Variants in RASAL2 observed in about 807,000 individuals in gnomAD.
RASAL2 encodes the protein RAS protein activator like 2.
Under a neutral mutation model 128.9 loss-of-function variants are expected in RASAL2, and 58 were observed. The ratio of observed to expected loss-of-function variants is 0.45; its 90% CI spans 0.36 to 0.56. RASAL2 has a LOEUF of 0.56. Ranked by LOEUF, RASAL2 falls within the 20% of genes least tolerant of loss-of-function variation. The pLI, the probability that RASAL2 is intolerant of heterozygous loss-of-function variation, is 0.00. For missense variants in RASAL2, 1,360 were observed against 1,601.6 expected (o/e 0.85, Z 2.57); for synonymous variants, 561 against 580.8 (o/e 0.97, Z 0.49).
chr1:178,310,632 C>T (rs1571832500), intron 3 of RASAL2, among the ~76,000 whole-genome samples: 1 of 152,158 alleles, frequency 6.6e-6, no homozygotes, highest in East Asian at 1.9e-4. Context: ...AGGTGCGAGA[C>T]CACAATTCTG....
At chr1:178,372,000 T>C (rs1344572821) in intron 3 of RASAL2, among the ~76,000 whole-genome samples, 1 of 152,152 alleles carries the variant, frequency 6.6e-6, no homozygotes, top group African/African-American at 2.4e-5. Context: ...AAATCTCCCT[T>C]CTCTTCTCTT....
In RASAL2 at chr1:178,344,327, T is replaced by C. The variant is rs115532326; in HGVS notation, c.457+44209T>C. Among the ~76,000 whole-genome samples the C allele has an allele frequency of 2.6e-3, 390 of 152,344 alleles. 3 individuals carry two copies. The highest frequency in any genetic ancestry group is 9.0e-3 in the African/African-American group (376 of 41,588). On this transcript the variant is annotated intron_variant, in intron 3 of 17. Coordinates refer to ENST00000367649, the MANE Select transcript of RASAL2 (RefSeq NM_170692.4). ...TCTTTCTACCTCTTGGGCATAATTC[T>C]ATGTTATGTGTCCCAGTTAAATCCC...
intron 3 of RASAL2, among the ~76,000 whole-genome samples, chr1:178,338,909 C>T (rs992422252): frequency 1.3e-5 from 2 of 152,120 alleles, no homozygotes; most frequent in Admixed American, 6.5e-5. Flanking sequence ...TAAATATATA[C>T]ATGGTAAGGG....
chr1:178,455,736 G>C (rs916959380), intron 12 of RASAL2, among the ~76,000 whole-genome samples: 10 of 152,190 alleles, frequency 6.6e-5, no homozygotes, highest in Non-Finnish European at 2.9e-5. Flanking sequence ...CCCTGTTTGA[G>C]TAGGGTAGAA....
At chr1:178,329,060 GC>G (rs1258096667) in intron 3 of RASAL2, among the ~76,000 whole-genome samples, 1 of 152,038 alleles carries the variant, frequency 6.6e-6, no homozygotes, top group African/African-American at 2.4e-5. Context: ...CACTGTTCTG[GC>G]CTGTTGAACA....
intron 1 of RASAL2, among the ~76,000 whole-genome samples, chr1:178,270,681 G>A (rs1255113088): frequency 2.0e-5 from 3 of 149,610 alleles, no homozygotes; most frequent in African/African-American, 7.4e-5. Flanking sequence ...TTTTGGTTCT[G>A]GTAATTCTTG....
At chr1:178,341,624 G>A in intron 3 of RASAL2, 1 of 1,613,858 alleles carries the variant, frequency 6.2e-7, no homozygotes, top group Non-Finnish European at 8.5e-7. Flanking sequence ...AGTTTGTAGA[G>A]TCTGAGACCG....
At chr1:178,161,000 C>T (rs988150620) in intron 1 of RASAL2, among the ~76,000 whole-genome samples, 1 of 152,104 alleles carries the variant, frequency 6.6e-6, no homozygotes, top group African/African-American at 2.4e-5. Flanking sequence ...CCTCTTCTTC[C>T]TCTTTGTTCC....
At chr1:178,286,816 T>C (rs759248721) in intron 2 of RASAL2, among the ~76,000 whole-genome samples, 47 of 152,222 alleles carry the variant, frequency 3.1e-4, no homozygotes, top group African/African-American at 1.1e-3. Context: ...GATTCTGATA[T>C]CCATAGAGAG....
chr1:178,096,523 GT>G (rs1449358597), intron 1 of RASAL2, among the ~76,000 whole-genome samples: 5 of 151,100 alleles, frequency 3.3e-5, no homozygotes, highest in East Asian at 1.9e-4. Context: ...TTTACATTAT[GT>G]TTTTTTTCTT....
chr1:178,143,615 G>A (rs994704394), intron 1 of RASAL2, among the ~76,000 whole-genome samples: 7 of 152,012 alleles, frequency 4.6e-5, no homozygotes, highest in South Asian at 4.2e-4. Context: ...CCAAATATAT[G>A]GTTCTACATA....
At chr1:178,240,735 T>C (rs1664461965) in intron 1 of RASAL2, among the ~76,000 whole-genome samples, 1 of 151,758 alleles carries the variant, frequency 6.6e-6, no homozygotes, top group South Asian at 2.1e-4. Context: ...ATAAAGTTAT[T>C]AAGCTAATTA....
chr1:178,465,813 AAAAAG>A (rs2102945203), intron 15 of RASAL2, 102 bp from the exon 16 acceptor site: 1 of 1,091,190 alleles, frequency 9.2e-7, no homozygotes, highest in East Asian at 2.6e-5. Context: ...AAAAAAAAGA[AAAAAG>A]AAAAAGAAAA....
At chr1:178,160,216 A>G (rs1269054815) in intron 1 of RASAL2, among the ~76,000 whole-genome samples, 1 of 152,250 alleles carries the variant, frequency 6.6e-6, no homozygotes, top group Non-Finnish European at 1.5e-5. Flanking sequence ...TTACTTAATA[A>G]AAACAATAAG....
At chr1:178,206,159 C>A (rs1340309672) in intron 1 of RASAL2, among the ~76,000 whole-genome samples, 1 of 152,120 alleles carries the variant, frequency 6.6e-6, no homozygotes, top group Non-Finnish European at 1.5e-5. Context: ...GAAAAGCCAT[C>A]TTGAGACGAA....
rs1427607787 is a variant in RASAL2 at position 178,443,303 on chromosome 1, A to G, written c.1482+74A>G. 9 of 1,317,024 alleles carry G rather than the reference A, an allele frequency of 6.8e-6. No individual in the cohort carries two copies. The Admixed American group carries it at 1.2e-4, about 18-fold the overall frequency. 81.6% of individuals were successfully genotyped at this position (1,317,024 alleles called of 1,614,324 possible). ...TCATAAACCAAGATATGGATATTGTAGAAATCCAAATTAGAGAAATGTGCT... is the reference window on the plus strand; with the variant it reads ...TCATAAACCAAGATATGGATATTGTGGAAATCCAAATTAGAGAAATGTGCT... On this transcript the variant is annotated intron_variant, in intron 8 of 17. Transcript: ENST00000367649.
chr1:178,472,424 T>C (rs1648360790), intron 17 of RASAL2, among the ~76,000 whole-genome samples: 1 of 152,214 alleles, frequency 6.6e-6, no homozygotes, highest in Non-Finnish European at 1.5e-5. Flanking sequence ...CTGTTTGTTC[T>C]CATGTGTTAT....
chr1:178,233,563 G>A (rs1044724937), intron 1 of RASAL2, among the ~76,000 whole-genome samples: 2 of 152,166 alleles, frequency 1.3e-5, no homozygotes, highest in African/African-American at 2.4e-5. Flanking sequence ...CTGGTTGAAC[G>A]ACAACAACAA....
At position 178,236,799 on chromosome 1, in the gene RASAL2, T is replaced by A. The variant is rs893037446; in HGVS notation, c.203-46765T>A. Among the ~76,000 whole-genome samples, 7 of 149,006 alleles carry A rather than the reference T, an allele frequency of 4.7e-5. No homozygotes were observed. The Middle Eastern group carries it at 0.011, about 226-fold the overall frequency. The stretch of plus-strand genomic sequence containing the variant: ...TTTTTTTTGAAACAGAGTCTTGCTC[T>A]GTCACCCAGGCTGGAGGCCAGTGGT... On this transcript the variant is annotated intron_variant, in intron 1 of 17. Coordinates refer to ENST00000367649, the MANE Select transcript of RASAL2 (RefSeq NM_170692.4).
Sources: allele counts gnomAD v4.1 joint callset (sites outside exome capture counted in the v4.1 genomes callset), GRCh38; gene constraint gnomAD v4.1.1; transcripts MANE v1.5; gene names NCBI Gene and HGNC (gene_info 2026-07-23, HGNC 2026-07-21).